PTPRR: variants seen among roughly 807,000 people sequenced by gnomAD.
The protein encoded by PTPRR is protein tyrosine phosphatase receptor type R.
A neutral mutation model predicts 77.2 loss-of-function variants in PTPRR; 38 were observed. The ratio of observed to expected loss-of-function variants is 0.49; its 90% CI spans 0.38 to 0.65. The LOEUF (loss-of-function observed/expected upper bound fraction) is 0.65. PTPRR is among the 30% of genes least tolerant of loss of function. The probability of loss-of-function intolerance (pLI) is 0.00; values close to 1 mark genes in which losing one functional copy is unlikely to be tolerated. For missense variants in PTPRR, 744 were observed against 799.2 expected (o/e 0.93, Z 0.83); for synonymous variants, 299 against 283.1 (o/e 1.06, Z -0.57).
intron 8 of PTPRR, among the ~76,000 whole-genome samples, chr12:70,689,303 C>A (rs1887978030): frequency 6.6e-6 from 1 of 152,008 alleles, no homozygotes; most frequent in Non-Finnish European, 1.5e-5. Flanking sequence ...TAAATATATA[C>A]AACTGTTATT....
chr12:70,669,365 C>A (rs1044044881), intron 10 of PTPRR, among the ~76,000 whole-genome samples: 1 of 152,000 alleles, frequency 6.6e-6, no homozygotes, highest in Non-Finnish European at 1.5e-5. Context: ...CACTTACTCC[C>A]ATTCGATGAG....
intron 2 of PTPRR, among the ~76,000 whole-genome samples, chr12:70,845,131 T>C (rs1208527783): frequency 6.6e-6 from 1 of 152,178 alleles, no homozygotes; most frequent in Admixed American, 6.6e-5. Flanking sequence ...AGACTGTGAA[T>C]GCAGATCTTA....
intron 2 of PTPRR, among the ~76,000 whole-genome samples, chr12:70,885,117 A>G (rs901988678): frequency 1.3e-5 from 2 of 152,114 alleles, no homozygotes; most frequent in Non-Finnish European, 2.9e-5. Flanking sequence ...ATCCTATATT[A>G]CAATTATATG....
chr12:70,692,016 G>T (rs1888073016), intron 8 of PTPRR, among the ~76,000 whole-genome samples: 1 of 152,002 alleles, frequency 6.6e-6, no homozygotes, highest in African/African-American at 2.4e-5. Flanking sequence ...ATAACATATA[G>T]AATTATACTA....
At position 70,672,049 on chromosome 12, in the gene PTPRR, A is replaced by G. The variant is rs139716840; in HGVS notation, c.1498-9444T>C. The G allele has an allele frequency of 2.1e-4, 273 of 1,314,278 alleles. 3 individuals carry two copies. The East Asian group carries it at 6.2e-3, about 30-fold the overall frequency. 81.4% of individuals were successfully genotyped at this position (1,314,278 alleles called of 1,614,324 possible). A position where few individuals can be genotyped will look rare whatever the true frequency, so the allele number is the denominator to read the frequency against. ...ACCTGGTGGGGCCTCACTTGGGCCC[A>G]GAGATGGAGAATGGTGGAAGGGTTA... On this transcript the variant is annotated intron_variant, in intron 10 of 13. Transcript: ENST00000283228.
chr12:70,865,373 G>A (rs1381806843), intron 2 of PTPRR, among the ~76,000 whole-genome samples: 2 of 105,918 alleles, frequency 1.9e-5, no homozygotes, highest in African/African-American at 5.3e-5. Flanking sequence ...AAACATTAAG[G>A]AACTGATATA....
At chr12:70,872,346 T>TA (rs1195072773) in intron 2 of PTPRR, among the ~76,000 whole-genome samples, 1 of 151,944 alleles carries the variant, frequency 6.6e-6, no homozygotes, top group African/African-American at 2.4e-5. Context: ...ATATTGCCCA[T>TA]ATTAAATGTT....
chr12:70,754,819 T>A, intron 4 of PTPRR: 1 of 1,346,622 alleles, frequency 7.4e-7, no homozygotes, highest in Non-Finnish European at 9.9e-7. Context: ...CATCTTTTTT[T>A]TTTTTCAAAT....
chr12:70,842,853 G>A (rs1447607247), intron 2 of PTPRR, among the ~76,000 whole-genome samples: 2 of 152,162 alleles, frequency 1.3e-5, no homozygotes, highest in East Asian at 1.9e-4. Flanking sequence ...GCCTACCACA[G>A]CAAGACATTT....
intron 2 of PTPRR, among the ~76,000 whole-genome samples, chr12:70,848,707 G>C (rs1892525655): frequency 6.6e-6 from 1 of 152,126 alleles, no homozygotes. Context: ...ATGCCATTTG[G>C]TTATACTAAA....
intron 8 of PTPRR, among the ~76,000 whole-genome samples, chr12:70,694,264 T>C (rs1888153132): frequency 6.6e-6 from 1 of 152,210 alleles, no homozygotes; most frequent in Admixed American, 6.5e-5. Flanking sequence ...TATAAAATGA[T>C]GACCTGAGTA....
intron 2 of PTPRR, among the ~76,000 whole-genome samples, chr12:70,815,514 AC>A: frequency 6.6e-6 from 1 of 152,286 alleles, no homozygotes; most frequent in East Asian, 1.9e-4. Flanking sequence ...GATATACCGA[AC>A]GGTTTTAAAA....
At chr12:70,706,439 T>C (rs1888621983) in intron 6 of PTPRR, among the ~76,000 whole-genome samples, 1 of 151,930 alleles carries the variant, frequency 6.6e-6, no homozygotes, top group African/African-American at 2.4e-5. Context: ...ATAATAAATA[T>C]AAAAGATGCC....
chr12:70,641,232 C>T (rs1885986447), intron 13 of PTPRR, among the ~76,000 whole-genome samples: 1 of 152,196 alleles, frequency 6.6e-6, no homozygotes, highest in South Asian at 2.1e-4. Flanking sequence ...TTGCACAGCT[C>T]AGGGCACCAT....
chr12:70,813,900 C>A (rs1181315546), intron 2 of PTPRR, among the ~76,000 whole-genome samples: 1 of 152,146 alleles, frequency 6.6e-6, no homozygotes, highest in East Asian at 1.9e-4. Context: ...TGGGAGGAAG[C>A]TTCCTGAGGC....
chr12:70,641,967 A>G (rs1886020062), intron 13 of PTPRR, among the ~76,000 whole-genome samples: 1 of 152,170 alleles, frequency 6.6e-6, no homozygotes, highest in Admixed American at 6.6e-5. Context: ...ATATTTCTGT[A>G]CAGCCTGGTT....
At chr12:70,880,523 C>T (rs552045452) in intron 2 of PTPRR, among the ~76,000 whole-genome samples, 1 of 152,196 alleles carries the variant, frequency 6.6e-6, no homozygotes, top group Middle Eastern at 3.4e-3. Flanking sequence ...TTTCATTGCA[C>T]TTAGCACTAT....
chr12:70,884,871 C>CAAAAAAAAAAAAAAAAAAAAAAA (rs529547383), intron 2 of PTPRR, among the ~76,000 whole-genome samples: 1 of 53,930 alleles, frequency 1.9e-5, no homozygotes, highest in African/African-American at 9.3e-5. Flanking sequence ...AACTCTGTCT[C>CAAAAAAAAAAAAAAAAAAAAAAA]AAAAAAAAAA....
intron 8 of PTPRR, among the ~76,000 whole-genome samples, chr12:70,696,426 T>C (rs915139320): frequency 2.2e-4 from 34 of 152,142 alleles, no homozygotes; most frequent in Admixed American, 1.8e-3. Context: ...GTTTCACATA[T>C]AGTAGTGGTT....
Sources: gnomAD v4.1 joint callset for allele counts (sites outside exome capture counted in the v4.1 genomes callset) on GRCh38, gnomAD v4.1.1 for gene constraint, MANE v1.5 for transcripts, NCBI Gene and HGNC (gene_info 2026-07-23, HGNC 2026-07-21) for gene names.